The following SLC23A2 variants were observed in gnomAD, a reference collection of about 807,000 sequenced individuals.
SLC23A2 encodes the protein solute carrier family 23 member 2.
SLC23A2 carries 36 observed loss-of-function variants against 73.3 expected under a neutral mutation model. The observed-to-expected ratio is 0.49, with a 90% CI of 0.38 to 0.65. The LOEUF (loss-of-function observed/expected upper bound fraction) is 0.65, where lower values mean the gene tolerates loss of function less well. SLC23A2 is among the 30% of genes least tolerant of loss of function. The pLI is 0.00. For missense variants in SLC23A2, 507 were observed against 841.6 expected, an observed-to-expected ratio of 0.60 and a Z score of 4.92; for synonymous variants, 343 against 327.3, an observed-to-expected ratio of 1.05 and a Z score of -0.52.
At chr20:4,929,404 C>A (rs1244383906) in intron 3 of SLC23A2, among the ~76,000 whole-genome samples, 2 of 152,206 alleles carry the variant, frequency 1.3e-5, no homozygotes, top group Non-Finnish European at 2.9e-5. Context: ...GGGGGCTGAA[C>A]CAGGCCAGGC....
At position 4,899,698 on chromosome 20, in the gene SLC23A2, G is replaced by A. The variant is rs750051601; in HGVS notation, c.339C>T (p.Cys113=). ...IFLGLQHYLT[C]FSGTIAVPFL... is the part of the protein sequence containing the mutation. ...AGGGCACTGCGATCGTGCCGCTGAA[G>A]CATGTCAGGTAGTGCTGTGGGCAGG... The change falls in exon 6 of 17, where the codon TGC becomes TGT. Residue 113 remains cysteine, a synonymous_variant. Transcript: ENST00000338244. This position sits in a 1 kb window ranked among gnomAD's most constrained non-coding sequence, Gnocchi z 4.9. 10 of 1,614,032 alleles carry A rather than the reference G, an allele frequency of 6.2e-6. No homozygotes were observed. Among genetic ancestry groups the A allele is most frequent in the Middle Eastern group, 1.6e-4 (1 of 6,080 alleles).
rs573757121 is a variant in SLC23A2, at chr20:4,918,242, T to G, written c.109-5264A>C. ...CCTCAGGAAATTGATCAAGTTTTTATAAAAATATCAGCAGATTAGTATACC... is the reference window on the plus strand; with the variant it reads ...CCTCAGGAAATTGATCAAGTTTTTAGAAAAATATCAGCAGATTAGTATACC... On this transcript the variant is annotated intron_variant, in intron 3 of 16. Transcript: ENST00000338244. Among the ~76,000 whole-genome samples the G allele has an allele frequency of 2.7e-4, 41 of 152,336 alleles. No homozygotes were observed. The East Asian group carries it at 3.5e-3, about 13-fold the overall frequency.
chr20:4,882,109 G>T (rs1278034411), intron 9 of SLC23A2, among the ~76,000 whole-genome samples: 2 of 152,194 alleles, frequency 1.3e-5, no homozygotes, highest in Non-Finnish European at 2.9e-5. Flanking sequence ...GGGCACGGTG[G>T]CTCATGCCTG....
intron 1 of SLC23A2, among the ~76,000 whole-genome samples, chr20:4,988,999 G>A (rs2087879009): frequency 6.6e-6 from 1 of 152,028 alleles, no homozygotes; most frequent in Admixed American, 6.6e-5. Context: ...CACTTTGGGA[G>A]GCCGAGGCGG....
chr20:4,992,619 T>G (rs1489182124), intron 1 of SLC23A2, among the ~76,000 whole-genome samples: 1 of 149,828 alleles, frequency 6.7e-6, no homozygotes, highest in Non-Finnish European at 1.5e-5. Flanking sequence ...CGAGTGATTC[T>G]CCTCCCTCAG....
At chr20:4,926,973 C>T (rs1932694582) in intron 3 of SLC23A2, among the ~76,000 whole-genome samples, 1 of 151,918 alleles carries the variant, frequency 6.6e-6, no homozygotes, top group Non-Finnish European at 1.5e-5. Flanking sequence ...TGGTGCCCAA[C>T]CACGCTGCAC....
At position 4,991,805 on chromosome 20, in the gene SLC23A2, C is replaced by G. The variant is rs554598100; in HGVS notation, c.-282+9601G>C. Among the ~76,000 whole-genome samples, 3 of 151,962 alleles carry G rather than the reference C, an allele frequency of 2.0e-5. No individual in the cohort carries two copies. The East Asian group carries it at 5.8e-4, about 29-fold the overall frequency. ...CCACATATTAGGAAAAATCTAGAGA[C>G]ACTGACTTTTTCTGTTCATACACAG... On this transcript the variant is annotated intron_variant, in intron 1 of 16. Transcript: ENST00000338244.
In SLC23A2 at chr20:4,899,756, C is replaced by A; in HGVS notation, c.325-44G>T. On this transcript the variant is annotated intron_variant, in intron 5 of 16. Transcript: ENST00000338244. The surrounding 1 kb of genome is among the most constrained non-coding windows in gnomAD (Gnocchi z 4.9). ...TCAGAGGAGAAACAGTAAACCCTTC[C>A]TCATTTATTCTTGATTTCATCCTAA... 6.4e-7 allele frequency: 1 copy of A among 1,568,118 alleles called. No individual in the cohort carries two copies. Among genetic ancestry groups the A allele is most frequent in the Non-Finnish European group, 8.8e-7 (1 of 1,142,016 alleles).
intron 4 of SLC23A2, among the ~76,000 whole-genome samples, chr20:4,910,210 TAA>T (rs898970857): frequency 3.3e-5 from 5 of 151,846 alleles, no homozygotes; most frequent in Admixed American, 2.6e-4. Flanking sequence ...CCAACTTTAC[TAA>T]AAATACAAAA....
intron 6 of SLC23A2, among the ~76,000 whole-genome samples, chr20:4,897,044 T>A (rs1400248879): frequency 1.3e-5 from 2 of 152,072 alleles, no homozygotes; most frequent in Non-Finnish European, 2.9e-5. Context: ...ATGCACTGTG[T>A]CTCCCTGATG....
chr20:4,986,961 G>C (rs867231687), intron 1 of SLC23A2, among the ~76,000 whole-genome samples: 1 of 151,818 alleles, frequency 6.6e-6, no homozygotes, highest in Admixed American at 6.6e-5. Flanking sequence ...GGGTTCAGAG[G>C]AGCTTCCTAC....
intron 16 of SLC23A2, among the ~76,000 whole-genome samples, chr20:4,858,448 A>T (rs1445453774): frequency 6.6e-6 from 1 of 151,754 alleles, no homozygotes; most frequent in African/African-American, 2.4e-5. Flanking sequence ...GTCGTTATGG[A>T]CTCTTAAATC....
chr20:4,874,017 T>C lies in SLC23A2; in HGVS notation c.1021A>G (p.Thr341Ala). ...TVTDVFPPDS[T>A]KYGFYARTDA... ...GTGCGAGCATAGAAGCCATACTTTGTGCTGTCGGGAGGGAAGACATCTGTC... is the reference window on the plus strand; with the variant it reads ...GTGCGAGCATAGAAGCCATACTTTGCGCTGTCGGGAGGGAAGACATCTGTC... Residue 341 changes from threonine (T) to alanine (A), a missense_variant, in exon 11 of 17, where the codon ACA becomes GCA. By Grantham distance (58) the Thr-to-Ala change is moderately conservative. Transcript: ENST00000338244. The C allele has an allele frequency of 1.2e-6, 2 of 1,614,160 alleles. No homozygotes were observed. The highest frequency in any genetic ancestry group is 1.1e-5 in the South Asian group (1 of 91,080).
At chr20:5,004,173 G>T (rs1027600578), upstream of SLC23A2, among the ~76,000 whole-genome samples, 1 of 152,088 alleles carries the variant, frequency 6.6e-6, no homozygotes, top group Non-Finnish European at 1.5e-5. Context: ...TGAACAACCT[G>T]CCCTGAATAT....
intron 1 of SLC23A2, among the ~76,000 whole-genome samples, chr20:4,975,343 T>C (rs2087626935): frequency 6.6e-6 from 1 of 152,106 alleles, no homozygotes; most frequent in Non-Finnish European, 1.5e-5. Context: ...AGAAAGAATA[T>C]GACGTTAACC....
intron 15 of SLC23A2, 120 bp downstream of exon 15, chr20:4,861,828 G>C (rs1334367995): frequency 6.3e-6 from 6 of 953,902 alleles, no homozygotes; most frequent in South Asian, 1.6e-5. Flanking sequence ...GAGATCCACA[G>C]ACGCATCTGC....
chr20:4,991,523 A>T (rs181728327), intron 1 of SLC23A2, among the ~76,000 whole-genome samples: 1 of 152,148 alleles, frequency 6.6e-6, no homozygotes, highest in East Asian at 1.9e-4. Context: ...GCAGTTCAAG[A>T]CCAGCCTGAC....
At chr20:4,990,204 C>T (rs1016140474) in intron 1 of SLC23A2, among the ~76,000 whole-genome samples, 1 of 152,106 alleles carries the variant, frequency 6.6e-6, no homozygotes, top group Admixed American at 6.6e-5. Flanking sequence ...GCATTACCTA[C>T]CCTGACTAAT....
In SLC23A2 at chr20:4,999,109, C is replaced by T. The variant is rs182890126; in HGVS notation, c.-282+2297G>A. ...CATGAGCCACCATGCCCAGCCCCGG[C>T]CTACTGCTTTTAATTACCTTAACCA... On this transcript the variant is annotated intron_variant, in intron 1 of 16. Transcript: ENST00000338244. Among the ~76,000 whole-genome samples the T allele has an allele frequency of 3.3e-5, 5 of 152,040 alleles. No homozygotes were observed. The East Asian group carries it at 9.7e-4, about 30-fold the overall frequency.
Sources: gnomAD v4.1 joint callset for allele counts (sites outside exome capture counted in the v4.1 genomes callset) on GRCh38, gnomAD v4.1.1 for gene constraint, Gnocchi (gnomAD v3.1) non-coding constraint, MANE v1.5 for transcripts, NCBI Gene and HGNC (gene_info 2026-07-23, HGNC 2026-07-21) for gene names.